ME3: variants seen among roughly 807,000 people sequenced by gnomAD.
ME3 encodes the protein malic enzyme 3, also known as NADP-dependent malic enzyme, mitochondrial.
A neutral mutation model predicts 68.9 loss-of-function variants in ME3; 48 were observed. The ratio of observed to expected loss-of-function variants is 0.70; its 90% CI spans 0.55 to 0.89. The LOEUF (loss-of-function observed/expected upper bound fraction) is 0.89, where lower values mean the gene tolerates loss of function less well. Ranked by LOEUF, ME3 falls within the 40% of genes least tolerant of loss-of-function variation. The pLI, the probability that ME3 is intolerant of heterozygous loss-of-function variation, is 0.00. For missense variants in ME3, 675 were observed against 797.4 expected (o/e 0.85, Z 1.85); for synonymous variants, 320 against 318.8 (o/e 1.00, Z -0.04).
At chr11:86,660,190 C>T (rs188398824) in intron 2 of ME3, among the ~76,000 whole-genome samples, 3 of 152,330 alleles carry the variant, frequency 2.0e-5, no homozygotes, top group Admixed American at 2.0e-4. Flanking sequence ...CACTCTTCTC[C>T]TGTCAAGTCT....
intron 2 of ME3, among the ~76,000 whole-genome samples, chr11:86,654,169 A>G (rs1409242595): frequency 6.6e-6 from 1 of 152,214 alleles, no homozygotes; most frequent in East Asian, 1.9e-4. Flanking sequence ...CTAGAGATAC[A>G]AGGAGGGGCT....
chr11:86,563,714 C>A (rs887052087), intron 2 of ME3, among the ~76,000 whole-genome samples: 3 of 151,816 alleles, frequency 2.0e-5, no homozygotes, highest in African/African-American at 4.9e-5. Flanking sequence ...GATCCCTTTC[C>A]CCATTACTTG....
chr11:86,624,261 C>T (rs1020202753), intron 2 of ME3, among the ~76,000 whole-genome samples: 8 of 152,160 alleles, frequency 5.3e-5, no homozygotes, highest in Admixed American at 5.2e-4. Context: ...TGGCTCTTGT[C>T]AGATACCCCT....
intron 2 of ME3, among the ~76,000 whole-genome samples, chr11:86,663,110 C>G (rs1475044100): frequency 6.6e-6 from 1 of 152,202 alleles, no homozygotes; most frequent in Non-Finnish European, 1.5e-5. Flanking sequence ...CTTCATGTAG[C>G]TCACTACCAA....
chr11:86,547,797 G>T (rs745371373), intron 4 of ME3, among the ~76,000 whole-genome samples: 1 of 152,090 alleles, frequency 6.6e-6, no homozygotes, highest in Admixed American at 6.6e-5. Flanking sequence ...TTATATGTAC[G>T]TATTTCCTTC....
At chr11:86,436,040 C>G in the ME3 span, 1 of 152,160 alleles carries the variant, frequency 6.6e-6, no homozygotes, top group Non-Finnish European at 1.5e-5. Context: ...GTGGTGCAAC[C>G]ACAGCATCCA....
chr11:86,601,542 C>T (rs1960664296), intron 2 of ME3, among the ~76,000 whole-genome samples: 1 of 152,082 alleles, frequency 6.6e-6, no homozygotes, highest in South Asian at 2.1e-4. Context: ...GAACTGGTAC[C>T]ATTCCTTCTG....
chr11:86,556,572 G>T, exon 4 of ME3: 1 of 1,614,042 alleles, frequency 6.2e-7, no homozygotes, highest in East Asian at 2.2e-5. Context: ...CGGAAAGTCA[G>T]GCCATAGTGC....
intron 2 of ME3, among the ~76,000 whole-genome samples, chr11:86,638,431 CA>C (rs5793206): frequency 6.0e-5 from 9 of 150,346 alleles, no homozygotes; most frequent in South Asian, 4.2e-4. Flanking sequence ...TATACAAATG[CA>C]AAAAAAAATC....
intron 4 of ME3, among the ~76,000 whole-genome samples, chr11:86,518,975 G>A (rs562678628): frequency 3.3e-5 from 5 of 152,182 alleles, no homozygotes; most frequent in African/African-American, 1.2e-4. Flanking sequence ...TCCCCCACAG[G>A]TGTCAGAGGG....
intron 13 of ME3, among the ~76,000 whole-genome samples, chr11:86,443,283 T>C (rs1446750411): frequency 6.6e-6 from 1 of 152,218 alleles, no homozygotes; most frequent in African/African-American, 2.4e-5. Context: ...GGTCCCAGCC[T>C]CCTTCCACGT....
At chr11:86,498,815 A>G (rs1952532666) in intron 5 of ME3, among the ~76,000 whole-genome samples, 1 of 152,234 alleles carries the variant, frequency 6.6e-6, no homozygotes, top group Admixed American at 6.5e-5. Context: ...TAATTGTATT[A>G]TTATAATGGA....
rs146833953 is a variant in ME3 at position 86,562,950 on chromosome 11, A to G, written c.184-3127T>C. On this transcript the variant is annotated intron_variant, in intron 2 of 14. Coordinates refer to ENST00000543262, the Ensembl canonical transcript of ME3. ...TGGATTTCTGTTCCTGCATTAATTCACTAAGGATTATCCTCCAATTGCATT... is the reference window on the plus strand; with the variant it reads ...TGGATTTCTGTTCCTGCATTAATTCGCTAAGGATTATCCTCCAATTGCATT... 2.0e-5 allele frequency among the ~76,000 whole-genome samples: 3 copies of G among 152,188 alleles called. No homozygotes were observed. In the East Asian group the frequency reaches 5.8e-4, roughly 29 times the overall value.
At chr11:86,510,188 T>C (rs1309973910) in intron 4 of ME3, among the ~76,000 whole-genome samples, 1 of 152,210 alleles carries the variant, frequency 6.6e-6, no homozygotes, top group Admixed American at 6.5e-5. Flanking sequence ...CAGTATGTCT[T>C]GTCTCAACAT....
At chr11:86,614,442 T>G (rs1246649687) in intron 2 of ME3, among the ~76,000 whole-genome samples, 1 of 152,178 alleles carries the variant, frequency 6.6e-6, no homozygotes, top group East Asian at 1.9e-4. Context: ...GATTTTGCCT[T>G]TGCTGTGAGT....
At chr11:86,629,316 G>A (rs1943867207) in intron 2 of ME3, among the ~76,000 whole-genome samples, 1 of 152,190 alleles carries the variant, frequency 6.6e-6, no homozygotes, top group Non-Finnish European at 1.5e-5. Context: ...CATTTCGAGA[G>A]AAAGATGCAG....
At chr11:86,524,921 C>A (rs1306439595) in intron 4 of ME3, among the ~76,000 whole-genome samples, 4 of 152,158 alleles carry the variant, frequency 2.6e-5, no homozygotes, top group African/African-American at 9.7e-5. Context: ...CGCCTCCAAA[C>A]TACAAATCCC....
At chr11:86,553,738 C>G (rs1029182037) in intron 4 of ME3, among the ~76,000 whole-genome samples, 1 of 152,286 alleles carries the variant, frequency 6.6e-6, no homozygotes, top group East Asian at 1.9e-4. Context: ...GCCCCCGGAC[C>G]CTGCTGGATC....
intron 8 of ME3, among the ~76,000 whole-genome samples, chr11:86,454,645 A>G (rs536324825): frequency 1.3e-5 from 2 of 152,354 alleles, no homozygotes; most frequent in Admixed American, 6.5e-5. Context: ...TGGTTTGCTG[A>G]ATTGTACAAG....
Sources: gnomAD v4.1 joint callset for allele counts (sites outside exome capture counted in the v4.1 genomes callset) on GRCh38, gnomAD v4.1.1 for gene constraint, MANE v1.5 for transcripts, NCBI Gene and HGNC (gene_info 2026-07-23, HGNC 2026-07-21) for gene names.